APBB2: variants seen among roughly 807,000 people sequenced by gnomAD.
The protein encoded by APBB2 is amyloid beta precursor protein binding family B member 2, also known as Fe65-like 1.
APBB2 carries 38 observed loss-of-function variants against 82.5 expected under a neutral mutation model. The ratio of observed to expected loss-of-function variants is 0.46; its 90% confidence interval spans 0.36 to 0.60. APBB2 has a LOEUF of 0.60. Ranked by LOEUF, APBB2 falls within the 20% of genes least tolerant of loss-of-function variation. The pLI is 0.00. For synonymous variants in APBB2, 341 were observed against 368.2 expected (o/e 0.93, Z 0.85); for missense variants, 772 against 972.3 (o/e 0.79, Z 2.74).
chr4:40,946,057 A>G (rs991719163), intron 6 of APBB2, among the ~76,000 whole-genome samples: 3 of 152,078 alleles, frequency 2.0e-5, no homozygotes, highest in African/African-American at 7.2e-5. Flanking sequence ...ATGTGGTGAA[A>G]GCCTGTCTCT....
chr4:41,002,275 CA>C (rs1185626307), intron 6 of APBB2, among the ~76,000 whole-genome samples: 1 of 152,166 alleles, frequency 6.6e-6, no homozygotes, highest in African/African-American at 2.4e-5. Flanking sequence ...TCTTCTTAAC[CA>C]GATTAACAGA....
intron 1 of APBB2, chr4:41,193,503 C>CCCTA: frequency 1.1e-6 from 1 of 940,388 alleles, no homozygotes; most frequent in South Asian, 4.9e-5. Context: ...TCAGTCCTAC[C>CCCTA]CCTAGACCAT....
chr4:40,952,217 T>C (rs1790393385), intron 6 of APBB2, among the ~76,000 whole-genome samples: 1 of 145,796 alleles, frequency 6.9e-6, no homozygotes, highest in Non-Finnish European at 1.5e-5. Context: ...GGACAAAAGA[T>C]CATTTTATGG....
intron 6 of APBB2, among the ~76,000 whole-genome samples, chr4:40,966,477 T>C (rs1285688108): frequency 2.0e-5 from 3 of 152,144 alleles, no homozygotes; most frequent in Non-Finnish European, 2.9e-5. Flanking sequence ...ACTACCCTCC[T>C]GGGCGCAGCT....
At chr4:40,985,190 A>G (rs1164710753) in intron 6 of APBB2, among the ~76,000 whole-genome samples, 3 of 152,040 alleles carry the variant, frequency 2.0e-5, no homozygotes, top group Non-Finnish European at 2.9e-5. Flanking sequence ...TTGGGATTAC[A>G]GGCGTGAGCC....
In APBB2 at chr4:40,814,153, C is replaced by T. The variant is rs1745025637; in HGVS notation, c.*1939G>A. On this transcript the variant is annotated 3_prime_UTR_variant, in exon 18 of 18. Transcript: ENST00000508593. ...CTACCACAAGTAGCATCTGGAAAATCTCGTAGATGGAACAGGCTGTGAATG... is the reference window on the plus strand; with the variant it reads ...CTACCACAAGTAGCATCTGGAAAATTTCGTAGATGGAACAGGCTGTGAATG... The T allele has an allele frequency of 6.6e-6, 1 of 152,184 alleles. No individual in the cohort carries two copies. The highest frequency in any genetic ancestry group is 2.4e-5 in the African/African-American group (1 of 41,424). The allele number at this position is 152,184 out of a possible 1,614,324, so 9.4% of individuals were successfully genotyped here.
intron 12 of APBB2, among the ~76,000 whole-genome samples, chr4:40,841,424 T>C (rs1463236112): frequency 2.6e-5 from 4 of 152,002 alleles, no homozygotes; most frequent in African/African-American, 9.7e-5. Context: ...GAGCTTAAAG[T>C]CCCCAATCAA....
chr4:41,188,436 T>C (rs985296807), intron 1 of APBB2, among the ~76,000 whole-genome samples: 9 of 151,860 alleles, frequency 5.9e-5, no homozygotes, highest in African/African-American at 1.9e-4. Context: ...CTTTAAGAGG[T>C]GATTAGATCA....
intron 1 of APBB2, among the ~76,000 whole-genome samples, chr4:41,164,795 G>T (rs1766070144): frequency 6.6e-6 from 1 of 152,162 alleles, no homozygotes; most frequent in Non-Finnish European, 1.5e-5. Context: ...CCAATAGAAG[G>T]TTATGACTTA....
At chr4:40,819,176 C>CTTTTTTT (rs1188181954) in intron 17 of APBB2, among the ~76,000 whole-genome samples, 3 of 135,214 alleles carry the variant, frequency 2.2e-5, no homozygotes, top group African/African-American at 5.6e-5. Flanking sequence ...CCTTGGCTCT[C>CTTTTTTT]TTTTTTTTTT....
chr4:40,946,163 C>T (rs1327253280), intron 6 of APBB2, among the ~76,000 whole-genome samples: 1 of 137,598 alleles, frequency 7.3e-6, no homozygotes, highest in East Asian at 2.2e-4. Flanking sequence ...ACCCAGGAGG[C>T]GGAGGTTGCA....
chr4:41,149,693 C>A (rs905104609), intron 1 of APBB2, among the ~76,000 whole-genome samples: 1 of 152,116 alleles, frequency 6.6e-6, no homozygotes, highest in African/African-American at 2.4e-5. Flanking sequence ...GTGTCCCCAC[C>A]CAAATCTCAT....
chr4:41,158,547 G>A (rs981741442), intron 1 of APBB2, among the ~76,000 whole-genome samples: 2 of 152,108 alleles, frequency 1.3e-5, no homozygotes, highest in African/African-American at 4.8e-5. Context: ...ACAAAGCAAT[G>A]TCATTCTAAT....
At chr4:40,922,340 T>C (rs1238916836) in intron 10 of APBB2, among the ~76,000 whole-genome samples, 1 of 152,240 alleles carries the variant, frequency 6.6e-6, no homozygotes, top group African/African-American at 2.4e-5. Flanking sequence ...TACTAGCTAT[T>C]GAATACATAC....
intron 10 of APBB2, among the ~76,000 whole-genome samples, chr4:40,923,858 G>A (rs1781950172): frequency 6.6e-6 from 1 of 152,246 alleles, no homozygotes; most frequent in African/African-American, 2.4e-5. Flanking sequence ...GTGACCAGAA[G>A]TTAATAAGGG....
chr4:41,080,824 T>G (rs1228851132), intron 3 of APBB2, among the ~76,000 whole-genome samples: 3 of 150,852 alleles, frequency 2.0e-5, no homozygotes, highest in African/African-American at 7.3e-5. Flanking sequence ...TGCCTCAGCC[T>G]CCCGAGTAGC....
intron 5 of APBB2, among the ~76,000 whole-genome samples, chr4:41,024,104 T>C (rs1426291715): frequency 6.6e-6 from 1 of 152,188 alleles, no homozygotes; most frequent in Non-Finnish European, 1.5e-5. Context: ...ATTCAATAAA[T>C]GGTGCTGAAA....
Position 40,871,013 on chromosome 4 carries a change from T to C in APBB2, c.1529+19351A>G, listed in dbSNP as rs1765373395. The stretch of plus-strand genomic sequence containing the variant: ...ACCACCGCGCCCAGCCATACATATA[T>C]ATATATGTGTAAGTGTCTCTCAGAA... On this transcript the variant is annotated intron_variant, in intron 12 of 17. Transcript: ENST00000508593. Among the ~76,000 whole-genome samples, 13 of 151,148 alleles carry C rather than the reference T, an allele frequency of 8.6e-5. No homozygotes were observed. In the South Asian group the frequency reaches 2.5e-3, roughly 29 times the overall value.
intron 2 of APBB2, among the ~76,000 whole-genome samples, chr4:41,121,905 G>GTA (rs1560809553): frequency 1.9e-4 from 29 of 151,800 alleles, no homozygotes; most frequent in Middle Eastern, 3.4e-3. Context: ...GTGTGTGTGT[G>GTA]TGTGTATGTG....
Sources: allele counts gnomAD v4.1 joint callset (sites outside exome capture counted in the v4.1 genomes callset), GRCh38; gene constraint gnomAD v4.1.1; transcripts MANE v1.5; gene names NCBI Gene and HGNC (gene_info 2026-07-23, HGNC 2026-07-21).